Variants in ILDR1 observed in about 807,000 individuals in gnomAD.
ILDR1 encodes the protein immunoglobulin-like domain-containing receptor 1.
ILDR1 carries 56 observed loss-of-function variants against 62.4 expected under a neutral mutation model. The ratio of observed to expected loss-of-function variants is 0.90; its 90% confidence interval spans 0.72 to 1.12. The LOEUF is 1.12. ILDR1 is among the 50% of genes most tolerant of loss of function. The probability of loss-of-function intolerance (pLI) is 0.00; values close to 1 mark genes in which losing one functional copy is unlikely to be tolerated. For missense variants in ILDR1, 736 were observed against 710.6 expected, an observed-to-expected ratio of 1.04 and a Z score of -0.41; for synonymous variants, 284 against 277.8, an observed-to-expected ratio of 1.02 and a Z score of -0.22.
At chr3:122,061,651 C>T in the ILDR1 span, among the ~76,000 whole-genome samples, 1 of 152,136 alleles carries the variant, frequency 6.6e-6, no homozygotes, top group Non-Finnish European at 1.5e-5. Flanking sequence ...CCACTACCTA[C>T]CTATAAAAAT....
rs143846540 is a variant in ILDR1, at chr3:121,993,817, C to T, written c.932G>A (p.Gly311Asp). The T allele has an allele frequency of 9.3e-6, 15 of 1,614,086 alleles. No individual in the cohort carries two copies. The African/African-American group carries it at 1.6e-4, about 17-fold the overall frequency. The stretch of plus-strand genomic sequence containing the variant: ...GGAGGACAGCATGCTGCAGGGATGG[C>T]CAAATCTGCCTTTGAGGTCAGGGGG... The part of the protein sequence containing the change: ...PLPPDLKGRF[G>D]HPCSMLSSLG... The change falls in exon 7 of 8, where the codon GGC becomes GAC. Residue 311 changes from glycine (G) to aspartate (D), a missense_variant. Physicochemically the swap from Gly to Asp is moderately conservative, Grantham distance 94 (BLOSUM62 -1). Coordinates refer to ENST00000344209, the MANE Select transcript of ILDR1 (RefSeq NM_001199799.2).
At chr3:122,047,840 T>G in the ILDR1 span, among the ~76,000 whole-genome samples, 1 of 152,222 alleles carries the variant, frequency 6.6e-6, no homozygotes, top group African/African-American at 2.4e-5. Context: ...ATAAACCCGG[T>G]ACCTCGGATG....
At chr3:121,992,452 A>G (rs992525412) in intron 7 of ILDR1, among the ~76,000 whole-genome samples, 7 of 152,176 alleles carry the variant, frequency 4.6e-5, no homozygotes, top group South Asian at 2.1e-4. Flanking sequence ...ATAATTTTTA[A>G]AGTCACTTCT....
intron 3 of ILDR1, among the ~76,000 whole-genome samples, chr3:122,002,687 C>A (rs967773824): frequency 6.6e-6 from 1 of 151,860 alleles, no homozygotes; most frequent in African/African-American, 2.4e-5. Context: ...TGTGCCATGG[C>A]GGTTTGCTGC....
the ILDR1 span, among the ~76,000 whole-genome samples, chr3:122,056,145 A>G: frequency 6.6e-6 from 1 of 152,050 alleles, no homozygotes; most frequent in Non-Finnish European, 1.5e-5. Context: ...TTTTTGACAG[A>G]TGGGGTAACT....
chr3:122,022,092 G>A lies in ILDR1; in HGVS notation c.-15C>T. The A allele has an allele frequency of 6.3e-7, 1 of 1,598,348 alleles. No individual in the cohort carries two copies. Among genetic ancestry groups the A allele is most frequent in the Non-Finnish European group, 8.5e-7 (1 of 1,171,838 alleles). ...GGCCATGCCATGCCGCCCCCTTTCT[G>A]GCCCTTTTCAGCTCAGGGGCTTCGG... On this transcript the variant is annotated 5_prime_UTR_variant, in exon 1 of 8. Transcript: ENST00000344209.
chr3:122,008,945 T>C, intron 1 of ILDR1, among the ~76,000 whole-genome samples: 1 of 151,708 alleles, frequency 6.6e-6, no homozygotes, highest in East Asian at 1.9e-4. Flanking sequence ...TTTTTTTCTT[T>C]TTTTTTGAGA....
At chr3:122,000,048 G>GAAA (rs111508537) in intron 5 of ILDR1, among the ~76,000 whole-genome samples, 2 of 144,916 alleles carry the variant, frequency 1.4e-5, no homozygotes, top group Non-Finnish European at 3.0e-5. Context: ...GAACCTCTTT[G>GAAA]AAAAAAAAAA....
intron 1 of ILDR1, chr3:122,007,374 G>C: frequency 1.0e-6 from 1 of 979,520 alleles, no homozygotes; most frequent in South Asian, 1.6e-5. Context: ...TAGGAAGAAA[G>C]GAGTGAGGAA....
At chr3:122,055,416 T>TAGCATTAAA in the ILDR1 span, 1 of 1,462,274 alleles carries the variant, frequency 6.8e-7, no homozygotes, top group South Asian at 1.1e-5. Flanking sequence ...TCTGCTGCTG[T>TAGCATTAAA]AACAGGGACT....
the ILDR1 span, among the ~76,000 whole-genome samples, chr3:122,040,838 C>T: frequency 6.6e-6 from 1 of 150,966 alleles, no homozygotes; most frequent in Non-Finnish European, 1.5e-5. Flanking sequence ...ATATAGATGA[C>T]CTTGGGTCCA....
At chr3:122,047,788 C>A in the ILDR1 span, among the ~76,000 whole-genome samples, 1 of 152,244 alleles carries the variant, frequency 6.6e-6, no homozygotes, top group African/African-American at 2.4e-5. Context: ...ACAGTGCACG[C>A]ACCCACTGGC....
the ILDR1 span, among the ~76,000 whole-genome samples, chr3:122,032,108 C>T: frequency 6.6e-6 from 1 of 152,250 alleles, no homozygotes; most frequent in African/African-American, 2.4e-5. Context: ...TTGTAACTCT[C>T]TTGTAACCCT....
Position 121,987,793 on chromosome 3 carries a change from A to T in ILDR1, c.*574T>A, listed in dbSNP as rs1338228093. The T allele has an allele frequency of 5.0e-6, 1 of 199,030 alleles. No homozygotes were observed. Among genetic ancestry groups the T allele is most frequent in the Admixed American group, 5.3e-5 (1 of 18,814 alleles). 12.3% of individuals were successfully genotyped at this position (199,030 alleles called of 1,614,324 possible). A position where few individuals can be genotyped will look rare whatever the true frequency, so the allele number is the denominator to read the frequency against. Reference sequence around the variant, plus strand: ...GGCTACTAAGTTCCTGAGGGATCACATTCCAGTCAGGGTCCATTACAAGTC... The same window carrying T: ...GGCTACTAAGTTCCTGAGGGATCACTTTCCAGTCAGGGTCCATTACAAGTC... On this transcript the variant is annotated 3_prime_UTR_variant, in exon 8 of 8. Coordinates refer to ENST00000344209, the MANE Select transcript of ILDR1 (RefSeq NM_001199799.2).
chr3:121,992,338 A>G (rs920609083), intron 7 of ILDR1, among the ~76,000 whole-genome samples: 1 of 152,106 alleles, frequency 6.6e-6, no homozygotes, highest in Non-Finnish European at 1.5e-5. Flanking sequence ...CAGTTTCACC[A>G]TGTTGGCCAG....
intron 1 of ILDR1, among the ~76,000 whole-genome samples, chr3:122,013,800 T>C (rs116051896): frequency 0.025 from 3,860 of 152,242 alleles, 171 homozygotes; most frequent in African/African-American, 0.086. Flanking sequence ...ACTGTGTGTT[T>C]ACCCAAGGTC....
intron 5 of ILDR1, among the ~76,000 whole-genome samples, chr3:121,997,444 A>C (rs1300745473): frequency 1.3e-5 from 2 of 152,168 alleles, no homozygotes; most frequent in Non-Finnish European, 2.9e-5. Flanking sequence ...TGACCTCTCA[A>C]ACATGCATTC....
At chr3:122,060,827 T>G in the ILDR1 span, among the ~76,000 whole-genome samples, 1 of 152,232 alleles carries the variant, frequency 6.6e-6, no homozygotes, top group East Asian at 1.9e-4. Flanking sequence ...GATTTGAGGC[T>G]TCGCAGAGGT....
At chr3:122,052,675 G>C in the ILDR1 span, among the ~76,000 whole-genome samples, 1 of 152,176 alleles carries the variant, frequency 6.6e-6, no homozygotes, top group Non-Finnish European at 1.5e-5. Flanking sequence ...CCGGGTTCAA[G>C]CAATTCTCCT....
Sources: allele counts gnomAD v4.1 joint callset (sites outside exome capture counted in the v4.1 genomes callset), GRCh38; gene constraint gnomAD v4.1.1; transcripts MANE v1.5; gene names NCBI Gene and HGNC (gene_info 2026-07-23, HGNC 2026-07-21).